Variants in DOK5 observed in about 807,000 individuals in gnomAD.
The protein encoded by DOK5 is downstream of tyrosine kinase 5.
Under a neutral mutation model 43.3 loss-of-function variants are expected in DOK5, and 27 were observed. The ratio of observed to expected loss-of-function variants is 0.62; its 90% CI spans 0.46 to 0.86. The LOEUF is 0.86. Ranked by LOEUF, DOK5 falls within the 40% of genes least tolerant of loss-of-function variation. The pLI, the probability that DOK5 is intolerant of heterozygous loss-of-function variation, is 0.00. For synonymous variants in DOK5, 146 were observed against 140.1 expected (o/e 1.04, Z -0.30); for missense variants, 373 against 392.9 (o/e 0.95, Z 0.43).
intron 2 of DOK5, among the ~76,000 whole-genome samples, chr20:54,557,661 C>T (rs1235069196): frequency 6.6e-6 from 1 of 152,204 alleles, no homozygotes; most frequent in East Asian, 1.9e-4. Flanking sequence ...CAAGCACCTC[C>T]TGCCCTTTAT....
At chr20:54,531,431 T>C (rs370833320) in intron 1 of DOK5, among the ~76,000 whole-genome samples, 236 of 152,344 alleles carry the variant, frequency 1.5e-3, no homozygotes, top group African/African-American at 5.3e-3. Flanking sequence ...ATTGATATTA[T>C]AGAGGAAATA....
chr20:54,594,956 A>G (rs1986090764), intron 5 of DOK5, among the ~76,000 whole-genome samples: 1 of 152,214 alleles, frequency 6.6e-6, no homozygotes, highest in Non-Finnish European at 1.5e-5. Context: ...GTAGGAAACC[A>G]TAGATACTTG....
chr20:54,578,246 A>G (rs1402611906), intron 2 of DOK5, among the ~76,000 whole-genome samples: 2 of 152,196 alleles, frequency 1.3e-5, no homozygotes, highest in African/African-American at 2.4e-5. Flanking sequence ...TAAATATAGA[A>G]TTAAGCTGGG....
chr20:54,643,634 A>AG, intron 7 of DOK5, 56 bp downstream of exon 7: 2 of 1,567,084 alleles, frequency 1.3e-6, no homozygotes. Context: ...AGTACTGGGG[A>AG]GGGGGCTCAG....
At chr20:54,642,517 A>G (rs1469582827) in intron 6 of DOK5, among the ~76,000 whole-genome samples, 2 of 148,878 alleles carry the variant, frequency 1.3e-5, no homozygotes, top group African/African-American at 2.5e-5. Flanking sequence ...CAGCCTGGCC[A>G]ACATGGAGAA....
At chr20:54,519,960 C>T (rs1983335251) in intron 1 of DOK5, among the ~76,000 whole-genome samples, 1 of 152,302 alleles carries the variant, frequency 6.6e-6, no homozygotes, top group South Asian at 2.1e-4. Flanking sequence ...ATGTTTTGGT[C>T]TTCGACATCC....
intron 6 of DOK5, among the ~76,000 whole-genome samples, chr20:54,642,679 T>G (rs1198126831): frequency 6.6e-6 from 1 of 152,006 alleles, no homozygotes; most frequent in Non-Finnish European, 1.5e-5. Context: ...GCTGTGATCG[T>G]GCTACCACAC....
intron 6 of DOK5, among the ~76,000 whole-genome samples, chr20:54,613,595 A>G (rs1378252025): frequency 1.3e-5 from 2 of 152,230 alleles, no homozygotes; most frequent in African/African-American, 4.8e-5. Context: ...TGCTTGTGCT[A>G]GCTTTTTGCA....
intron 6 of DOK5, among the ~76,000 whole-genome samples, chr20:54,616,259 A>G (rs1986804506): frequency 6.6e-6 from 1 of 152,222 alleles, no homozygotes; most frequent in African/African-American, 2.4e-5. Flanking sequence ...GTGTGCTGAC[A>G]TAACCCCTGC....
intron 1 of DOK5, among the ~76,000 whole-genome samples, chr20:54,511,789 G>A (rs2146688072): frequency 6.6e-6 from 1 of 152,250 alleles, no homozygotes; most frequent in Middle Eastern, 3.4e-3. Context: ...TCTTCTTGGG[G>A]TTGCAAGATG....
intron 1 of DOK5, among the ~76,000 whole-genome samples, chr20:54,508,248 T>C (rs1238207915): frequency 6.6e-6 from 1 of 152,164 alleles, no homozygotes; most frequent in Admixed American, 6.6e-5. Flanking sequence ...TGTGCACTGC[T>C]ATCAAACCAT....
chr20:54,551,922 G>A (rs1174107971), intron 1 of DOK5, among the ~76,000 whole-genome samples: 1 of 152,182 alleles, frequency 6.6e-6, no homozygotes, highest in East Asian at 1.9e-4. Context: ...CTACCTCCTG[G>A]GTTGAAGCAA....
intron 1 of DOK5, among the ~76,000 whole-genome samples, chr20:54,502,131 A>G (rs981883681): frequency 6.6e-6 from 1 of 152,222 alleles, no homozygotes; most frequent in African/African-American, 2.4e-5. Flanking sequence ...TGGTATGTAT[A>G]TGGCCTATCA....
chr20:54,548,088 C>G (rs553351471), intron 1 of DOK5, among the ~76,000 whole-genome samples: 23 of 152,202 alleles, frequency 1.5e-4, no homozygotes, highest in African/African-American at 5.1e-4. Flanking sequence ...GATAACCCCC[C>G]ACTAGAAAGA....
At chr20:54,502,296 C>A (rs908088910) in intron 1 of DOK5, among the ~76,000 whole-genome samples, 40 of 152,278 alleles carry the variant, frequency 2.6e-4, no homozygotes, top group African/African-American at 9.6e-4. Context: ...CATTGAGTAT[C>A]TTCTATGTAT....
intron 1 of DOK5, among the ~76,000 whole-genome samples, chr20:54,517,481 A>C (rs1438943276): frequency 6.6e-6 from 1 of 152,180 alleles, no homozygotes; most frequent in Admixed American, 6.5e-5. Flanking sequence ...TGACTTTGCC[A>C]TTTGTAAGCT....
At chr20:54,629,317 C>T (rs1195553605) in intron 6 of DOK5, among the ~76,000 whole-genome samples, 2 of 152,000 alleles carry the variant, frequency 1.3e-5, no homozygotes, top group Admixed American at 6.6e-5. Flanking sequence ...TGCAAGTGAG[C>T]GAGGAAGCTG....
intron 1 of DOK5, among the ~76,000 whole-genome samples, chr20:54,521,194 A>G (rs1331452757): frequency 6.6e-6 from 1 of 151,896 alleles, no homozygotes; most frequent in Non-Finnish European, 1.5e-5. Context: ...TCCTTTTTTT[A>G]ATGACATGAC....
chr20:54,565,732 A>G (rs1417601517), intron 2 of DOK5, among the ~76,000 whole-genome samples: 2 of 152,228 alleles, frequency 1.3e-5, no homozygotes, highest in Non-Finnish European at 2.9e-5. Flanking sequence ...ACATTAAGAT[A>G]CTGAACATGG....
Sources: allele counts gnomAD v4.1 joint callset (sites outside exome capture counted in the v4.1 genomes callset), GRCh38; gene constraint gnomAD v4.1.1; transcripts MANE v1.5; gene names NCBI Gene and HGNC (gene_info 2026-07-23, HGNC 2026-07-21).